The following PSMD7 variants were observed in gnomAD, a reference collection of about 807,000 sequenced individuals.
The protein encoded by PSMD7 is 26S proteasome non-ATPase regulatory subunit 7.
In PSMD7, 13 loss-of-function variants were observed where a neutral mutation model predicts 36.4. That is an observed-to-expected ratio of 0.36 (90% CI 0.23 to 0.57). PSMD7 has a LOEUF of 0.57. Ranked by LOEUF, PSMD7 falls within the 20% of genes least tolerant of loss-of-function variation. PSMD7 has a pLI of 0.83. For missense variants in PSMD7, 298 were observed against 393.6 expected (o/e 0.76, Z 2.06); for synonymous variants, 186 against 151.0 (o/e 1.23, Z -1.70).
intron 2 of PSMD7, among the ~76,000 whole-genome samples, chr16:74,300,780 C>G (rs562836191): frequency 2.6e-5 from 4 of 152,300 alleles, no homozygotes; most frequent in African/African-American, 7.2e-5. Flanking sequence ...TTCTAGAAAA[C>G]TGAAAAGCAT....
intron 1 of PSMD7, 117 bp from the exon 2 acceptor site, chr16:74,299,998 G>T: frequency 1.1e-6 from 1 of 902,508 alleles, no homozygotes; most frequent in Non-Finnish European, 1.8e-6. Context: ...AGGGAGATTA[G>T]TTCCCAGGTA....
At position 74,296,867 on chromosome 16, in the gene PSMD7, T is replaced by A. The variant is rs1481641426; in HGVS notation, c.-48T>A. On this transcript the variant is annotated 5_prime_UTR_variant, in exon 1 of 7. Coordinates refer to ENST00000219313, the MANE Select transcript of PSMD7 (RefSeq NM_002811.5). ...TACCGGTGACCGCTACTGCTGCCGG[T>A]GTTTGCGTGTGGCAGGGAGCCAGGC... 5 of 1,596,724 alleles carry A rather than the reference T, an allele frequency of 3.1e-6. No individual in the cohort carries two copies. The highest frequency in any genetic ancestry group is 4.3e-6 in the Non-Finnish European group (5 of 1,167,712).
intron 3 of PSMD7, 38 bp downstream of exon 3, chr16:74,301,182 T>G: frequency 7.1e-7 from 1 of 1,413,868 alleles, no homozygotes; most frequent in Admixed American, 1.7e-5. Flanking sequence ...AGCATAGAAT[T>G]GAACTGTGTG....
chr16:74,297,784 G>A (rs893455095), intron 1 of PSMD7, among the ~76,000 whole-genome samples: 3 of 145,896 alleles, frequency 2.1e-5, no homozygotes, highest in Admixed American at 6.8e-5. Flanking sequence ...AAGGGGGCTA[G>A]CTTCAATTTG....
At chr16:74,302,328 T>A in intron 5 of PSMD7, 36 bp downstream of exon 5, 1 of 1,522,952 alleles carries the variant, frequency 6.6e-7, no homozygotes, top group South Asian at 1.2e-5. Context: ...GAGGTTAGAC[T>A]GCTACTTATT....
rs1482282597 is a variant in PSMD7 at position 74,305,294 on chromosome 16, T to C, written c.536T>C (p.Ile179Thr). ...EVGVEHLLRD[I>T]KDTTVGTLSQ... ...TTAACTGTGGGTTATTACAGAGATATCAAAGACACGACGGTGGGCACTCTG... is the reference window on the plus strand; with the variant it reads ...TTAACTGTGGGTTATTACAGAGATACCAAAGACACGACGGTGGGCACTCTG... Residue 179 changes from isoleucine to threonine, a missense_variant, in exon 7 of 7, where the codon ATC becomes ACC. Physicochemically the swap from Ile to Thr is moderately conservative, Grantham distance 89. Transcript: ENST00000219313. 1.2e-6 allele frequency: 2 copies of C among 1,608,026 alleles called. No individual in the cohort carries two copies. Among genetic ancestry groups the C allele is most frequent in the Non-Finnish European group, 1.7e-6 (2 of 1,176,644 alleles).
At chr16:74,298,861 G>A (rs2142561481) in intron 1 of PSMD7, among the ~76,000 whole-genome samples, 1 of 152,266 alleles carries the variant, frequency 6.6e-6, no homozygotes, top group Non-Finnish European at 1.5e-5. Context: ...GCAACAGAGT[G>A]AGACCCTGTC....
At chr16:74,297,062 C>A in intron 1 of PSMD7, 74 bp downstream of exon 1, 1 of 1,497,126 alleles carries the variant, frequency 6.7e-7, no homozygotes, top group Non-Finnish European at 9.2e-7. Flanking sequence ...GATGGCGCGG[C>A]GGCCGCGGAC....
chr16:74,300,465 C>T (rs1175364486), intron 2 of PSMD7: 3 of 473,554 alleles, frequency 6.3e-6, no homozygotes, highest in Non-Finnish European at 7.7e-6. Context: ...TGTAAACAAA[C>T]AAAAGTGGCA....
At chr16:74,298,601 G>A (rs983994750) in intron 1 of PSMD7, among the ~76,000 whole-genome samples, 4 of 152,304 alleles carry the variant, frequency 2.6e-5, no homozygotes, top group African/African-American at 7.2e-5. Context: ...GGTAGCACAT[G>A]CCTATAATCC....
chr16:74,297,971 G>T (rs1468303772), intron 1 of PSMD7, among the ~76,000 whole-genome samples: 1 of 151,934 alleles, frequency 6.6e-6, no homozygotes, highest in African/African-American at 2.4e-5. Flanking sequence ...AAAAAAAAAT[G>T]TATATATAGA....
At chr16:74,303,461 T>C (rs1165808782) in intron 5 of PSMD7, among the ~76,000 whole-genome samples, 1 of 152,178 alleles carries the variant, frequency 6.6e-6, no homozygotes, top group Non-Finnish European at 1.5e-5. Context: ...ACAGGAGACG[T>C]ACAGCCTCTT....
In PSMD7 at chr16:74,305,330, T is replaced by G; in HGVS notation, c.572T>G (p.Ile191Ser). 1 of 1,613,780 alleles carries G rather than the reference T, an allele frequency of 6.2e-7. No individual in the cohort carries two copies. Among genetic ancestry groups the G allele is most frequent in the Non-Finnish European group, 8.5e-7 (1 of 1,179,934 alleles). ...ACGGTGGGCACTCTGTCCCAGCGGA[T>G]CACAAACCAGGTCCATGGTTTGAAG... ...DTTVGTLSQR[I>S]TNQVHGLKGL... is the part of the protein sequence containing the mutation. The change falls in exon 7 of 7, where the codon ATC becomes AGC. Residue 191 changes from isoleucine to serine, a missense_variant. Coordinates refer to ENST00000219313, the MANE Select transcript of PSMD7 (RefSeq NM_002811.5).
chr16:74,301,318 G>T (rs767902643), intron 3 of PSMD7, among the ~76,000 whole-genome samples, 174 bp downstream of exon 3: 20 of 152,098 alleles, frequency 1.3e-4, no homozygotes, highest in Non-Finnish European at 2.8e-4. Flanking sequence ...GCAATTTAAG[G>T]CCAAATAGGC....
At chr16:74,302,380 C>G (rs1280611949) in intron 5 of PSMD7, 88 bp downstream of exon 5, 2 of 1,052,976 alleles carry the variant, frequency 1.9e-6, no homozygotes, top group Non-Finnish European at 2.8e-6. Flanking sequence ...GTCAACAAAT[C>G]CTTTGTCTCC....
chr16:74,297,292 C>T (rs1199579070), intron 1 of PSMD7, among the ~76,000 whole-genome samples: 1 of 152,240 alleles, frequency 6.6e-6, no homozygotes, highest in Non-Finnish European at 1.5e-5. Flanking sequence ...CTGGATGATG[C>T]TGGGGGTCGG....
At chr16:74,301,693 T>C in intron 4 of PSMD7, 41 bp downstream of exon 4, 1 of 1,537,340 alleles carries the variant, frequency 6.5e-7, no homozygotes, top group Non-Finnish European at 9.0e-7. Context: ...ATGATTTTTT[T>C]TGCCAGCCAG....
At chr16:74,303,232 G>A (rs2142565030) in intron 5 of PSMD7, among the ~76,000 whole-genome samples, 1 of 152,374 alleles carries the variant, frequency 6.6e-6, no homozygotes, top group Admixed American at 6.5e-5. Context: ...AAAGCAAAGA[G>A]GAGAATGCCC....
intron 3 of PSMD7, among the ~76,000 whole-genome samples, 184 bp downstream of exon 3, chr16:74,301,328 C>T (rs2034153377): frequency 6.6e-6 from 1 of 152,092 alleles, no homozygotes; most frequent in African/African-American, 2.4e-5. Flanking sequence ...GCCAAATAGG[C>T]GACCTGGGTT....
Sources: allele counts gnomAD v4.1 joint callset (sites outside exome capture counted in the v4.1 genomes callset), GRCh38; gene constraint gnomAD v4.1.1; transcripts MANE v1.5; gene names NCBI Gene and HGNC (gene_info 2026-07-23, HGNC 2026-07-21).